DLG2: variants seen among roughly 807,000 people sequenced by gnomAD.
DLG2 encodes disks large homolog 2.
Under a neutral mutation model 132.5 loss-of-function variants are expected in DLG2, and 45 were observed. The observed-to-expected ratio is 0.34, with a 90% CI of 0.27 to 0.44. The LOEUF (loss-of-function observed/expected upper bound fraction) is 0.44. Ranked by LOEUF, DLG2 falls within the 20% of genes least tolerant of loss-of-function variation. The probability of loss-of-function intolerance (pLI) is 1.00; values close to 1 mark genes in which losing one functional copy is unlikely to be tolerated. For missense variants in DLG2, 1,045 were observed against 1,196.9 expected (o/e 0.87, Z 1.87); for synonymous variants, 424 against 419.6 (o/e 1.01, Z -0.13).
intron 6 of DLG2, among the ~76,000 whole-genome samples, chr11:84,928,978 G>GTATATA (rs2047738560): frequency 6.7e-5 from 2 of 29,854 alleles, no homozygotes; most frequent in African/African-American, 9.3e-5. Flanking sequence ...GTGTGTGTGT[G>GTATATA]TGTGTATATA....
At chr11:85,279,303 C>T (rs2078088227) in intron 4 of DLG2, among the ~76,000 whole-genome samples, 1 of 150,710 alleles carries the variant, frequency 6.6e-6, no homozygotes, top group African/African-American at 2.4e-5. Context: ...AGAAGCTACA[C>T]AAAGATGAAT....
At chr11:83,745,265 G>C (rs772948430) in intron 18 of DLG2, among the ~76,000 whole-genome samples, 17 of 152,082 alleles carry the variant, frequency 1.1e-4, no homozygotes, top group Non-Finnish European at 5.9e-5. Context: ...AGCAAGAAGT[G>C]GCCAAAGTTT....
At chr11:85,150,917 G>T (rs961488355) in intron 5 of DLG2, among the ~76,000 whole-genome samples, 1 of 151,936 alleles carries the variant, frequency 6.6e-6, no homozygotes, top group East Asian at 1.9e-4. Context: ...TGGATCGTAC[G>T]GTATTTCTAT....
intron 7 of DLG2, among the ~76,000 whole-genome samples, chr11:84,359,945 C>A (rs974857246): frequency 2.0e-5 from 3 of 151,832 alleles, no homozygotes; most frequent in Non-Finnish European, 4.4e-5. Flanking sequence ...TGAGTTAATT[C>A]TTAAGACTAG....
chr11:84,721,257 T>C (rs1028070379), intron 6 of DLG2, among the ~76,000 whole-genome samples: 2 of 152,120 alleles, frequency 1.3e-5, no homozygotes, highest in African/African-American at 2.4e-5. Context: ...GAAAACAGGC[T>C]CAAAATGATT....
intron 6 of DLG2, among the ~76,000 whole-genome samples, chr11:85,084,601 TGACA>T (rs2067666902): frequency 6.6e-6 from 1 of 152,092 alleles, no homozygotes; most frequent in African/African-American, 2.4e-5. Context: ...AGCATGGTTT[TGACA>T]GACAAAGATG....
In DLG2 at chr11:84,064,146, G is replaced by A. The variant is rs116076903; in HGVS notation, c.750-4662C>T. 1.3e-3 allele frequency among the ~76,000 whole-genome samples: 204 copies of A among 151,982 alleles called. 1 individual carries two copies. The highest frequency in any genetic ancestry group is 4.7e-3 in the African/African-American group (196 of 41,476). The stretch of plus-strand genomic sequence containing the variant: ...ATATATATAACAAAAAAATTTTTCC[G>A]CCATTGAAGTAAGATTTGTGATTTT... On this transcript the variant is annotated intron_variant, in intron 10 of 27. Coordinates refer to ENST00000376104, the MANE Select transcript of DLG2 (RefSeq NM_001142699.3).
chr11:85,546,818 CTTT>C (rs34822004), intron 3 of DLG2, among the ~76,000 whole-genome samples: 291 of 68,988 alleles, frequency 4.2e-3, no homozygotes, highest in African/African-American at 0.017. Context: ...ATAACCCCTG[CTTT>C]TTTTTTTTTT....
At chr11:84,841,425 A>T (rs1202052864) in intron 6 of DLG2, among the ~76,000 whole-genome samples, 1 of 152,024 alleles carries the variant, frequency 6.6e-6, no homozygotes, top group Non-Finnish European at 1.5e-5. Context: ...TGGATAATTT[A>T]AAAATTCTTA....
chr11:84,094,785 C>T (rs181179344), intron 10 of DLG2, among the ~76,000 whole-genome samples: 2 of 152,254 alleles, frequency 1.3e-5, no homozygotes, highest in East Asian at 3.9e-4. Flanking sequence ...TAGCTTTCAA[C>T]AGATGAATTT....
intron 6 of DLG2, among the ~76,000 whole-genome samples, chr11:84,981,853 A>AC (rs1017496065): frequency 6.6e-6 from 1 of 151,674 alleles, no homozygotes; most frequent in African/African-American, 2.4e-5. Flanking sequence ...TCAGGCATCT[A>AC]CCCCCTCACT....
intron 3 of DLG2, among the ~76,000 whole-genome samples, chr11:85,340,936 G>A (rs1446947379): frequency 6.6e-6 from 1 of 152,146 alleles, no homozygotes; most frequent in Non-Finnish European, 1.5e-5. Context: ...GAACTTTTGT[G>A]TATGATGTGA....
intron 17 of DLG2, 56 bp from the exon 18 acceptor site, chr11:83,786,848 A>T: frequency 6.5e-7 from 1 of 1,529,074 alleles, no homozygotes; most frequent in Non-Finnish European, 9.0e-7. Flanking sequence ...TTATCCTGAT[A>T]GAAGAAAAAA....
intron 7 of DLG2, among the ~76,000 whole-genome samples, chr11:84,518,818 C>T (rs2099282653): frequency 6.6e-6 from 1 of 152,268 alleles, no homozygotes; most frequent in South Asian, 2.1e-4. Context: ...AGAACCATCA[C>T]TCAGTAGCTC....
At chr11:84,462,200 G>T (rs1042468030) in intron 7 of DLG2, among the ~76,000 whole-genome samples, 2 of 150,676 alleles carry the variant, frequency 1.3e-5, no homozygotes, top group Non-Finnish European at 3.0e-5. Flanking sequence ...AAGAGGAAAA[G>T]GTCCCATTTA....
At chr11:85,166,745 G>T (rs1409864789) in intron 4 of DLG2, among the ~76,000 whole-genome samples, 1 of 152,062 alleles carries the variant, frequency 6.6e-6, no homozygotes, top group Non-Finnish European at 1.5e-5. Context: ...TTACCATCTT[G>T]ACATCCTTCA....
chr11:83,718,193 A>G (rs925269360), intron 18 of DLG2, among the ~76,000 whole-genome samples: 2 of 152,190 alleles, frequency 1.3e-5, no homozygotes, highest in African/African-American at 4.8e-5. Flanking sequence ...AATTGGGAGT[A>G]GAGACGGCTT....
At chr11:84,191,933 C>T (rs990190534) in intron 8 of DLG2, among the ~76,000 whole-genome samples, 2 of 151,936 alleles carry the variant, frequency 1.3e-5, no homozygotes, top group African/African-American at 4.8e-5. Flanking sequence ...ATGCTGAGCA[C>T]GGAGTAACAT....
intron 6 of DLG2, among the ~76,000 whole-genome samples, chr11:84,580,098 G>T (rs2099512885): frequency 6.6e-6 from 1 of 152,108 alleles, no homozygotes; most frequent in Admixed American, 6.5e-5. Flanking sequence ...GGGAGGAACT[G>T]GGCTACTGAT....
Sources: allele counts gnomAD v4.1 joint callset (sites outside exome capture counted in the v4.1 genomes callset), GRCh38; gene constraint gnomAD v4.1.1; transcripts MANE v1.5; gene names NCBI Gene and HGNC (gene_info 2026-07-23, HGNC 2026-07-21).